DNAI7: variants seen among roughly 807,000 people sequenced by gnomAD.
DNAI7 encodes the protein cancer susceptibility 1.
DNAI7 carries 78 observed loss-of-function variants against 86.6 expected under a neutral mutation model. The observed-to-expected ratio is 0.90, with a 90% CI of 0.75 to 1.09. The LOEUF is 1.09. Among genes scored for constraint, DNAI7 ranks in the 50% least tolerant of loss-of-function variants. The pLI, the probability that DNAI7 is intolerant of heterozygous loss-of-function variation, is 0.00. For synonymous variants in DNAI7, 274 were observed against 273.0 expected, an observed-to-expected ratio of 1.00 and a Z score of -0.04; for missense variants, 753 against 810.2, an observed-to-expected ratio of 0.93 and a Z score of 0.86.
intron 9 of DNAI7, among the ~76,000 whole-genome samples, chr12:25,124,321 C>T (rs1390538119): frequency 6.6e-6 from 1 of 152,018 alleles, no homozygotes; most frequent in Non-Finnish European, 1.5e-5. Flanking sequence ...CAAACCCTTT[C>T]CATCATGCCT....
intron 2 of DNAI7, among the ~76,000 whole-genome samples, chr12:25,183,596 T>A (rs1353529016): frequency 7.6e-6 from 1 of 131,558 alleles, no homozygotes; most frequent in Non-Finnish European, 1.7e-5. Context: ...TGTATTTAAA[T>A]TTTTTTTTTT....
chr12:25,158,605 C>T (rs1334075359), intron 3 of DNAI7, 42 bp from the exon 4 acceptor site: 1 of 1,573,394 alleles, frequency 6.4e-7, no homozygotes. Context: ...GAATAGATCA[C>T]TGTATTTTTA....
Position 25,114,829 on chromosome 12 carries a change from T to C in DNAI7, c.1438A>G (p.Lys480Glu). 6.2e-7 allele frequency: 1 copy of C among 1,614,136 alleles called. No individual in the cohort carries two copies. Among genetic ancestry groups the C allele is most frequent in the East Asian group, 2.2e-5 (1 of 44,864 alleles). The change falls in exon 13 of 16, where the codon AAA (lysine) becomes GAA (glutamate). Residue 480 changes from lysine to glutamate, a missense_variant. Physicochemically the swap from Lys to Glu is moderately conservative, Grantham distance 56 (BLOSUM62 1). Coordinates refer to ENST00000395987, the MANE Select transcript of DNAI7 (RefSeq NM_018272.5). Reference protein sequence around the residue: ...RTDGISNVSYKPKERLVTFSL... With the variant: ...RTDGISNVSYEPKERLVTFSL... ...AATGTTACAAGTCTTTCTTTTGGTT[T>C]GTAGGATACATTGCTGATGCCATCA...
At chr12:25,185,668 G>T in intron 2 of DNAI7, 2 of 448,342 alleles carry the variant, frequency 4.5e-6, no homozygotes, top group Non-Finnish European at 5.9e-6. Flanking sequence ...GTTTTTAAAA[G>T]ATGCAATTTT....
intron 2 of DNAI7, among the ~76,000 whole-genome samples, chr12:25,171,602 C>T (rs923496032): frequency 9.9e-5 from 15 of 152,048 alleles, no homozygotes; most frequent in African/African-American, 3.4e-4. Flanking sequence ...AAAGAAGGAA[C>T]CCTCCCTAAT....
chr12:25,147,766 C>G (rs1391252626), intron 7 of DNAI7, among the ~76,000 whole-genome samples: 2 of 152,176 alleles, frequency 1.3e-5, no homozygotes, highest in African/African-American at 4.8e-5. Context: ...TTTAACTATA[C>G]ACATGCTGCT....
chr12:25,115,530 A>G (rs1283509280), intron 12 of DNAI7, among the ~76,000 whole-genome samples: 1 of 82,998 alleles, frequency 1.2e-5, no homozygotes, highest in Admixed American at 1.6e-4. Flanking sequence ...TGATTTGAAT[A>G]AACATTTCAC....
intron 12 of DNAI7, 63 bp downstream of exon 12, chr12:25,119,082 T>G (rs1197526915): frequency 1.5e-6 from 2 of 1,348,506 alleles, no homozygotes; most frequent in Non-Finnish European, 2.0e-6. Context: ...CTACACTTTC[T>G]GTTTCAACTT....
chr12:25,117,437 C>G (rs1940346185), intron 12 of DNAI7, among the ~76,000 whole-genome samples: 1 of 152,090 alleles, frequency 6.6e-6, no homozygotes, highest in African/African-American at 2.4e-5. Flanking sequence ...AAGCTCTGTG[C>G]CTTAGTGATA....
Position 25,121,818 on chromosome 12 carries a change from A to G in DNAI7, c.1174T>C (p.Tyr392His), listed in dbSNP as rs773923882. The G allele has an allele frequency of 1.7e-5, 28 of 1,607,280 alleles. No individual in the cohort carries two copies. The highest frequency in any genetic ancestry group is 2.3e-5 in the Non-Finnish European group (27 of 1,178,066). ...LCQFTTLGGVYHLDILELPPQ... is the reference protein window; with the variant it reads ...LCQFTTLGGVHHLDILELPPQ... ...GGAAGCTCCAAAATATCCAAGTGGT[A>G]TACTCCACCCAGAGTTGTGAACTGG... The change falls in exon 11 of 16, where the codon TAC becomes CAC. Residue 392 changes from tyrosine to histidine, a missense_variant. Tyr to His is a moderately conservative substitution (Grantham distance 83). Transcript: ENST00000395987.
intron 2 of DNAI7, among the ~76,000 whole-genome samples, chr12:25,178,628 GA>G (rs895554587): frequency 2.0e-5 from 3 of 152,070 alleles, no homozygotes; most frequent in Non-Finnish European, 4.4e-5. Context: ...ATGTAAACAG[GA>G]AGGCAAAAAC....
At chr12:25,131,757 C>G (rs17387835) in intron 9 of DNAI7, among the ~76,000 whole-genome samples, 8,945 of 152,194 alleles carry the variant, frequency 0.059, 359 homozygotes, top group Non-Finnish European at 0.089. Context: ...AAATCAGACC[C>G]AAGTCAGGGC....
intron 2 of DNAI7, among the ~76,000 whole-genome samples, chr12:25,184,920 A>C (rs1169367333): frequency 6.6e-6 from 1 of 151,344 alleles, no homozygotes; most frequent in Non-Finnish European, 1.5e-5. Flanking sequence ...GCTTGAGCCC[A>C]GGAGTTTGAG....
chr12:25,140,492 A>G (rs1944047622), intron 9 of DNAI7, among the ~76,000 whole-genome samples: 2 of 152,154 alleles, frequency 1.3e-5, no homozygotes, highest in Admixed American at 1.3e-4. Context: ...ATACTTAGGA[A>G]TACACCTAAC....
At chr12:25,166,378 A>T (rs905032033) in intron 2 of DNAI7, among the ~76,000 whole-genome samples, 1 of 152,042 alleles carries the variant, frequency 6.6e-6, no homozygotes, top group Admixed American at 6.6e-5. Context: ...ACAACCCATT[A>T]TTCTGTTCTG....
chr12:25,174,520 C>CATATATATCATATATAAGGG (rs1948656128), intron 2 of DNAI7, among the ~76,000 whole-genome samples: 3 of 17,378 alleles, frequency 1.7e-4, no homozygotes, highest in East Asian at 1.2e-3. Context: ...ATATATATAT[C>CATATATATCATATATAAGGG]ATATATATCA....
Position 25,108,611 on chromosome 12 carries a change from G to A in DNAI7, c.2106C>T (p.Asn702=), listed in dbSNP as rs778554848. The A allele has an allele frequency of 1.9e-6, 3 of 1,613,704 alleles. No homozygotes were observed. The highest frequency in any genetic ancestry group is 2.2e-5 in the South Asian group (2 of 91,068). Residue 702 remains asparagine, a synonymous_variant, in exon 16 of 16, where the codon AAC becomes AAT. Coordinates refer to ENST00000395987, the MANE Select transcript of DNAI7 (RefSeq NM_018272.5). ...GGCACACAGAGTTGACAAACTGACA[G>A]TTGGAACTCCTGACTTTCTCCATTG... ...EEAMEKVRSS[N]CQFVNSVCHM...
In DNAI7 at chr12:25,108,823, C is replaced by T. The variant is rs199520172; in HGVS notation, c.1894G>A (p.Val632Met). The T allele has an allele frequency of 5.4e-4, 71 of 131,190 alleles. No homozygotes were observed. In the Admixed American group the frequency reaches 5.9e-3, roughly 11 times the overall value. 8.1% of individuals were successfully genotyped at this position (131,190 alleles called of 1,614,324 possible). The change falls in exon 16 of 16, where the codon GTG becomes ATG. Residue 632 changes from valine to methionine, a missense_variant and splice_region_variant. By Grantham distance (21) the Val-to-Met change is conservative. Transcript: ENST00000395987. Reference protein sequence around the residue: ...LCNSTKVVFKVREHLTEACTE... With the variant: ...LCNSTKVVFKMREHLTEACTE... ...CATGCTTCAGTAAGGTGTTCCCTCACCTAAAAAAAAAAAAAATTCAAGCAA... is the reference window on the plus strand; with the variant it reads ...CATGCTTCAGTAAGGTGTTCCCTCATCTAAAAAAAAAAAAAATTCAAGCAA...
chr12:25,163,564 T>TA (rs1322426874), intron 2 of DNAI7, among the ~76,000 whole-genome samples: 1 of 152,176 alleles, frequency 6.6e-6, no homozygotes, highest in Admixed American at 6.5e-5. Context: ...CCCAGGTGAT[T>TA]AAAGAGCTTT....
Sources: gnomAD v4.1 joint callset for allele counts (sites outside exome capture counted in the v4.1 genomes callset) on GRCh38, gnomAD v4.1.1 for gene constraint, MANE v1.5 for transcripts, NCBI Gene and HGNC (gene_info 2026-07-23, HGNC 2026-07-21) for gene names.